The following GINS3 variants were observed in gnomAD, a reference collection of about 807,000 sequenced individuals.
GINS3 encodes DNA replication complex GINS protein PSF3.
In GINS3, 18 loss-of-function variants were observed where a neutral mutation model predicts 20.0. The ratio of observed to expected loss-of-function variants is 0.90; its 90% CI spans 0.62 to 1.33. The LOEUF is 1.33. Ranked by LOEUF, GINS3 falls within the 40% of genes most tolerant of loss-of-function variation. The pLI is 0.00. For synonymous variants in GINS3, 109 were observed against 107.0 expected (o/e 1.02, Z -0.12); for missense variants, 254 against 273.6 (o/e 0.93, Z 0.51).
chr16:58,403,178 C>A lies in GINS3; in HGVS notation c.267C>A (p.Pro89=). The A allele has an allele frequency of 6.2e-7, 1 of 1,614,164 alleles. No homozygotes were observed. Among genetic ancestry groups the A allele is most frequent in the Admixed American group, 1.7e-5 (1 of 60,018 alleles). Residue 89 remains proline (P), a synonymous_variant, in exon 2 of 3, where the codon CCC becomes CCA. Transcript: ENST00000318129. ...NKRRILSVEL[P]KIYQEGWRTV... ...GACGGATCCTTTCTGTGGAACTCCC[C>A]AAGATCTACCAAGAGGGTTGGAGGA... is the stretch of plus-strand genomic sequence containing the variant.
chr16:58,395,272 CTTTTTTTTT>C (rs111843649), intron 1 of GINS3: 1 of 210,794 alleles, frequency 4.7e-6, no homozygotes, highest in African/African-American at 3.6e-5. Context: ...TCTAAATTTT[CTTTTTTTTT>C]TTTTTCTATT....
At chr16:58,401,955 A>G (rs1965961675) in intron 1 of GINS3, among the ~76,000 whole-genome samples, 1 of 152,184 alleles carries the variant, frequency 6.6e-6, no homozygotes, top group Admixed American at 6.5e-5. Flanking sequence ...GATAATATAT[A>G]GCTATTATCT....
At chr16:58,396,407 C>T (rs1965859857) in intron 1 of GINS3, among the ~76,000 whole-genome samples, 2 of 123,514 alleles carry the variant, frequency 1.6e-5, no homozygotes, top group African/African-American at 6.7e-5. Flanking sequence ...CCCCCACCTC[C>T]CTCCCGGACG....
intron 1 of GINS3, 138 bp downstream of exon 1, chr16:58,392,925 A>G: frequency 1.1e-6 from 1 of 900,552 alleles, no homozygotes. Context: ...GGCGCTAACG[A>G]CTTCTCGGAA....
At position 58,392,499 on chromosome 16, in the gene GINS3, C is replaced by A; in HGVS notation, c.-103C>A. ...CGAGTTTCAATCCACTTTCCTGACC[C>A]CAACCATCCTGCCCAGTCTCCGCTT... On this transcript the variant is annotated 5_prime_UTR_variant, in exon 1 of 3. Coordinates refer to ENST00000318129, the MANE Select transcript of GINS3 (RefSeq NM_022770.4). 1 of 1,330,154 alleles carries A rather than the reference C, an allele frequency of 7.5e-7. No homozygotes were observed. Among genetic ancestry groups the A allele is most frequent in the Non-Finnish European group, 1.0e-6 (1 of 958,156 alleles). The allele number at this position is 1,330,154 out of a possible 1,614,324, so 82.4% of individuals were successfully genotyped here.
chr16:58,392,506 T>C lies in GINS3; in HGVS notation c.-96T>C. On this transcript the variant is annotated 5_prime_UTR_variant, in exon 1 of 3. Coordinates refer to ENST00000318129, the MANE Select transcript of GINS3 (RefSeq NM_022770.4). ...CAATCCACTTTCCTGACCCCAACCA[T>C]CCTGCCCAGTCTCCGCTTCCCCGTC... The C allele has an allele frequency of 7.2e-7, 1 of 1,382,414 alleles. No homozygotes were observed. The highest frequency in any genetic ancestry group is 1.3e-5 in the South Asian group (1 of 75,604). 85.6% of individuals were successfully genotyped at this position (1,382,414 alleles called of 1,614,324 possible).
intron 1 of GINS3, among the ~76,000 whole-genome samples, chr16:58,396,658 C>T (rs1485066976): frequency 2.9e-5 from 3 of 102,348 alleles, no homozygotes; most frequent in African/African-American, 1.3e-4. Context: ...GCTGGCCGGG[C>T]GGTGGGCTGA....
chr16:58,402,588 A>T (rs1965971625), intron 1 of GINS3, among the ~76,000 whole-genome samples: 1 of 152,036 alleles, frequency 6.6e-6, no homozygotes, highest in Admixed American at 6.5e-5. Flanking sequence ...AATTCTATTG[A>T]GGCTTTAAAA....
At chr16:58,404,259 ATTCATTGGTTTTCTTAACAACT>A in intron 2 of GINS3, 6 of 527,362 alleles carry the variant, frequency 1.1e-5, no homozygotes, top group Non-Finnish European at 2.0e-5. Flanking sequence ...CATTACATGT[ATTCATTGGTTTTCTTAACAACT>A]TACTGGATTT....
Position 58,405,080 on chromosome 16 carries a change from G to C in GINS3, c.*351G>C, listed in dbSNP as rs1966011996. The C allele has an allele frequency of 4.2e-6, 1 of 239,742 alleles. No homozygotes were observed. The highest frequency in any genetic ancestry group is 8.3e-6 in the Non-Finnish European group (1 of 121,172). 14.9% of individuals were successfully genotyped at this position (239,742 alleles called of 1,614,324 possible). ...GTGTCTGGGAGTTTGGACAGCTTCA[G>C]ATGTACAGTTTCACTAGCCACAAAG... On this transcript the variant is annotated 3_prime_UTR_variant, in exon 3 of 3. Transcript: ENST00000318129.
chr16:58,398,026 A>G (rs561241628), intron 1 of GINS3, among the ~76,000 whole-genome samples: 1 of 152,118 alleles, frequency 6.6e-6, no homozygotes, highest in East Asian at 1.9e-4. Context: ...ATTCTTTTAA[A>G]AGAACTAACT....
chr16:58,403,810 C>T (rs1458315638), intron 2 of GINS3: 1 of 162,980 alleles, frequency 6.1e-6, no homozygotes, highest in Non-Finnish European at 1.4e-5. Flanking sequence ...CCAGGCCTGG[C>T]CTAAGGGTTC....
intron 1 of GINS3, among the ~76,000 whole-genome samples, chr16:58,400,963 C>T (rs1965946204): frequency 6.6e-6 from 1 of 151,938 alleles, no homozygotes; most frequent in African/African-American, 2.4e-5. Flanking sequence ...TACAGGCGCC[C>T]ACCACTATGC....
chr16:58,401,029 C>G (rs548773640), intron 1 of GINS3, among the ~76,000 whole-genome samples: 2 of 151,716 alleles, frequency 1.3e-5, no homozygotes, highest in Non-Finnish European at 2.9e-5. Context: ...TGGTCAGGCC[C>G]GTCTCGAACC....
At chr16:58,395,174 C>T in intron 1 of GINS3, 1 of 427,584 alleles carries the variant, frequency 2.3e-6, no homozygotes, top group Admixed American at 4.3e-5. Context: ...CTCCCAGGCT[C>T]CAGAGATCCT....
At chr16:58,401,708 TTACAGGCGTGAG>T (rs1373118049) in intron 1 of GINS3, among the ~76,000 whole-genome samples, 2 of 152,340 alleles carry the variant, frequency 1.3e-5, no homozygotes, top group Non-Finnish European at 2.9e-5. Context: ...TTTATTGGGA[TTACAGGCGTGAG>T]CCACCGGCCC....
intron 2 of GINS3, 196 bp from the exon 3 acceptor site, chr16:58,404,303 C>T (rs1045059354): frequency 1.7e-6 from 1 of 584,384 alleles, no homozygotes; most frequent in Non-Finnish European, 3.1e-6. Flanking sequence ...CATAACAATC[C>T]ACTTCACAGA....
At chr16:58,395,934 G>A (rs1168100829) in intron 1 of GINS3, among the ~76,000 whole-genome samples, 4 of 147,668 alleles carry the variant, frequency 2.7e-5, no homozygotes, top group South Asian at 2.2e-4. Context: ...CTCACCTCCC[G>A]GACGGGGCGG....
rs768056239 is a variant in GINS3, at chr16:58,404,710, T to G, written c.632T>G (p.Phe211Cys). The G allele has an allele frequency of 8.7e-6, 14 of 1,613,588 alleles. No individual in the cohort carries two copies. Among genetic ancestry groups the G allele is most frequent in the Non-Finnish European group, 1.1e-5 (13 of 1,179,732 alleles). ...GTTCAGAATTACAAGAAGAGAAAAT[T>G]CACTGATATGGAAGACTGAAAGCCG... is the stretch of plus-strand genomic sequence containing the variant. Reference protein sequence around the residue: ...NLVQNYKKRKFTDMED With the variant: ...NLVQNYKKRKCTDMED Residue 211 changes from phenylalanine (F) to cysteine (C), a missense_variant, in exon 3 of 3, where the codon TTC (phenylalanine) becomes TGC (cysteine). Transcript: ENST00000318129.
Sources: allele counts gnomAD v4.1 joint callset (sites outside exome capture counted in the v4.1 genomes callset), GRCh38; gene constraint gnomAD v4.1.1; transcripts MANE v1.5; gene names NCBI Gene and HGNC (gene_info 2026-07-23, HGNC 2026-07-21).